CAPN10: variants seen among roughly 807,000 people sequenced by gnomAD.
CAPN10 encodes calpain 10.
In CAPN10, 71 loss-of-function variants were observed where a neutral mutation model predicts 78.4. The observed-to-expected ratio is 0.91, with a 90% CI of 0.75 to 1.10. The LOEUF (loss-of-function observed/expected upper bound fraction) is 1.10, where lower values mean the gene tolerates loss of function less well. Ranked by LOEUF, CAPN10 falls within the 50% of genes least tolerant of loss-of-function variation. The pLI is 0.00. For synonymous variants in CAPN10, 437 were observed against 407.2 expected, an observed-to-expected ratio of 1.07 and a Z score of -0.88; for missense variants, 849 against 924.6, an observed-to-expected ratio of 0.92 and a Z score of 1.06.
chr2:240,592,529 C>A, intron 4 of CAPN10: 1 of 480,380 alleles, frequency 2.1e-6, no homozygotes, highest in Non-Finnish European at 4.3e-6. Flanking sequence ...ATGAAAGGGG[C>A]CAGGTGTGGT....
At chr2:240,592,659 GA>G (rs76573435) in intron 4 of CAPN10, 3 of 363,176 alleles carry the variant, frequency 8.3e-6, no homozygotes, top group Non-Finnish European at 1.7e-5. Flanking sequence ...AAAAATGAAG[GA>G]AAAAAATCAC....
chr2:240,590,873 G>A lies in CAPN10; in HGVS notation c.332G>A (p.Cys111Tyr). 1.9e-6 allele frequency: 3 copies of A among 1,614,248 alleles called. No homozygotes were observed. Among genetic ancestry groups the A allele is most frequent in the Non-Finnish European group, 2.5e-6 (3 of 1,180,052 alleles). ...ADQEYRGSFT[C>Y]RIWQFGRWVE... Reference sequence around the variant, plus strand: ...CAGGAGTACCGGGGCTCCTTCACCTGTCGCATTTGGCAGTTTGGACGCTGG... The same window carrying A: ...CAGGAGTACCGGGGCTCCTTCACCTATCGCATTTGGCAGTTTGGACGCTGG... The change falls in exon 3 of 12, where the codon TGT becomes TAT. Residue 111 changes from cysteine (C) to tyrosine (Y), a missense_variant. By Grantham distance (194) the Cys-to-Tyr change is radical. Transcript: ENST00000391984.
Position 240,595,845 on chromosome 2 carries a change from G to A in CAPN10, c.1279-474G>A, listed in dbSNP as rs565982387. On this transcript the variant is annotated intron_variant, in intron 7 of 11. Coordinates refer to ENST00000391984, the MANE Select transcript of CAPN10 (RefSeq NM_023083.4). ...TTGTTTCCAGGAAGAACAGATGGGG[G>A]CGCCTGAGGGCAAAGGGCCTGAGTG... is the stretch of plus-strand genomic sequence containing the variant. The A allele has an allele frequency of 1.0e-3, 894 of 882,024 alleles. 6 individuals are homozygous for A. In the African/African-American group the frequency reaches 0.013, roughly 13 times the overall value. The allele number at this position is 882,024 out of a possible 1,614,324, so 54.6% of individuals were successfully genotyped here.
rs2125454854 is a variant in CAPN10 at position 240,586,779 on chromosome 2, C to A, written c.-133C>A. 2 of 874,836 alleles carry A rather than the reference C, an allele frequency of 2.3e-6. No homozygotes were observed. Among genetic ancestry groups the A allele is most frequent in the East Asian group, 3.5e-5 (1 of 28,814 alleles). The allele number at this position is 874,836 out of a possible 1,614,324, so 54.2% of individuals were successfully genotyped here. A position where few individuals can be genotyped will look rare whatever the true frequency, so the allele number is the denominator to read the frequency against. On this transcript the variant is annotated 5_prime_UTR_variant, in exon 1 of 12. Transcript: ENST00000391984. ...TGGCCTGGTCCAGCACCTGCGGGGC[C>A]CTCGGGCTTGGAGGGCTGGGCCGGG... is the stretch of plus-strand genomic sequence containing the variant.
intron 5 of CAPN10, 119 bp downstream of exon 5, chr2:240,594,166 T>A: frequency 9.3e-7 from 1 of 1,076,822 alleles, no homozygotes; most frequent in Non-Finnish European, 1.3e-6. Context: ...GCAAGGCCCC[T>A]GAGTCCCTGC....
intron 7 of CAPN10, 82 bp from the exon 8 acceptor site, chr2:240,596,237 T>C (rs2093135694): frequency 1.3e-6 from 2 of 1,501,852 alleles, no homozygotes; most frequent in Admixed American, 4.4e-5. Context: ...CAGAGGCCCT[T>C]GTGCTTGCAG....
At chr2:240,587,189 C>A (rs1381184508) in intron 1 of CAPN10, 137 bp downstream of exon 1, 4 of 423,020 alleles carry the variant, frequency 9.5e-6, no homozygotes, top group Admixed American at 4.4e-5. Flanking sequence ...AAGTGGGCGC[C>A]CGGCCCCCTC....
chr2:240,593,927 TC>T lies in CAPN10; in HGVS notation c.712del (p.His238MetfsTer47), dbSNP rs2093118975. ...PRAGARELGE[F>X]HAFIVSDLRE... Reference sequence around the variant, plus strand: ...GCAGGTGCCCGGGAGCTGGGGGAGTTCCATGCCTTCATTGTCTCGGACCTGC... The same window carrying T: ...GCAGGTGCCCGGGAGCTGGGGGAGTTCATGCCTTCATTGTCTCGGACCTGC... On this transcript the variant is annotated frameshift_variant, in exon 5 of 12. Transcript: ENST00000391984. LOFTEE classifies it high-confidence loss of function. The T allele has an allele frequency of 3.1e-6, 5 of 1,604,944 alleles. No individual in the cohort carries two copies. Among genetic ancestry groups the T allele is most frequent in the Non-Finnish European group, 4.3e-6 (5 of 1,173,762 alleles).
chr2:240,590,556 C>G (rs41266969), intron 2 of CAPN10: 284 of 456,218 alleles, frequency 6.2e-4, no homozygotes, highest in Non-Finnish European at 1.0e-3. Flanking sequence ...CGCCGACATC[C>G]AGGTGTGCCG....
Position 240,589,260 on chromosome 2 carries a change from C to T in CAPN10, c.142-83C>T, listed in dbSNP as rs1377434493. On this transcript the variant is annotated intron_variant, in intron 1 of 11. Coordinates refer to ENST00000391984, the MANE Select transcript of CAPN10 (RefSeq NM_023083.4). ...GATCGGAAAAGCTCCACCCCAACTC[C>T]TGTCATCTAGAGCCTTGGGTTCTTA... The T allele has an allele frequency of 4.9e-5, 77 of 1,576,684 alleles. No homozygotes were observed. The South Asian group carries it at 7.8e-4, about 16-fold the overall frequency.
At chr2:240,589,666 G>C in intron 2 of CAPN10, 192 bp downstream of exon 2, 1 of 720,872 alleles carries the variant, frequency 1.4e-6, no homozygotes, top group Non-Finnish European at 2.2e-6. Flanking sequence ...GCAGGGGGGG[G>C]TGCCTTGGCC....
intron 2 of CAPN10, 183 bp downstream of exon 2, chr2:240,589,657 C>A: frequency 1.3e-6 from 1 of 795,182 alleles, no homozygotes; most frequent in Non-Finnish European, 1.9e-6. Flanking sequence ...CCCTCTGCTG[C>A]AGGGGGGGGT....
chr2:240,596,646 C>T lies in CAPN10; in HGVS notation c.1482-35C>T, dbSNP rs1000192409. 9 of 1,529,594 alleles carry T rather than the reference C, an allele frequency of 5.9e-6. No homozygotes were observed. In the East Asian group the frequency reaches 6.8e-5, roughly 12 times the overall value. The allele number at this position is 1,529,594 out of a possible 1,614,324, so 94.8% of individuals were successfully genotyped here. ...GGGAACTGAGGCCACCGGGAACCTG[C>T]TGCCAGCGCCCTCCCATGTTTGTCT... On this transcript the variant is annotated intron_variant, in intron 8 of 11. Coordinates refer to ENST00000391984, the MANE Select transcript of CAPN10 (RefSeq NM_023083.4).
intron 9 of CAPN10, among the ~76,000 whole-genome samples, chr2:240,597,490 C>T (rs112002999): frequency 2.0e-3 from 306 of 152,304 alleles, no homozygotes; most frequent in African/African-American, 6.9e-3. Flanking sequence ...GGGGCCCTGA[C>T]GAGGAAGGCA....
chr2:240,595,214 C>T lies in CAPN10; in HGVS notation c.1188C>T (p.Ala396=), dbSNP rs377409925. The stretch of plus-strand genomic sequence containing the variant: ...ACGCGGCGGACTGGGCAGGCCGGGC[C>T]CGGGCACTGGTGGGTGACAGTCATA... ...RLHAADWAGR[A]RALVGDSHTS... The change falls in exon 7 of 12, where the codon GCC becomes GCT. Residue 396 remains alanine (A), a synonymous_variant. Transcript: ENST00000391984. 13 of 1,613,532 alleles carry T rather than the reference C, an allele frequency of 8.1e-6. No homozygotes were observed. In the African/African-American group the frequency reaches 1.7e-4, roughly 22 times the overall value.
intron 4 of CAPN10, among the ~76,000 whole-genome samples, chr2:240,593,087 G>T (rs1464407048): frequency 6.6e-6 from 1 of 152,244 alleles, no homozygotes. Context: ...CCGCTGGGGT[G>T]CCAGGAAGGA....
rs1416225306 is a variant in CAPN10, at chr2:240,596,503, C to T, written c.1463C>T (p.Thr488Ile). The T allele has an allele frequency of 6.2e-7, 1 of 1,608,930 alleles. No homozygotes were observed. The highest frequency in any genetic ancestry group is 8.5e-7 in the Non-Finnish European group (1 of 1,176,584). ...PGEFLLRVFS[T>I]GRVSLSAIRA... ...GAGTTCCTGCTCCGAGTCTTCTCTA[C>T]CGGGCGAGTCTCCCTTAGGTGAGAG... The change falls in exon 8 of 12, where the codon ACC (threonine) becomes ATC (isoleucine). Residue 488 changes from threonine (T) to isoleucine (I), a missense_variant. Physicochemically the swap from Thr to Ile is moderately conservative, Grantham distance 89. Coordinates refer to ENST00000391984, the MANE Select transcript of CAPN10 (RefSeq NM_023083.4).
chr2:240,596,981 G>A (rs1331064365), intron 9 of CAPN10, 39 bp downstream of exon 9: 2 of 1,612,280 alleles, frequency 1.2e-6, no homozygotes, highest in African/African-American at 1.3e-5. Flanking sequence ...GGAGCAGAAG[G>A]GGCCCTCAGA....
intron 7 of CAPN10, 124 bp from the exon 8 acceptor site, chr2:240,596,195 T>G: frequency 6.8e-7 from 1 of 1,476,952 alleles, no homozygotes; most frequent in Non-Finnish European, 9.0e-7. Flanking sequence ...TGGAGGGTGC[T>G]GACAGGCCTT....
Sources: allele counts gnomAD v4.1 joint callset (sites outside exome capture counted in the v4.1 genomes callset), GRCh38; gene constraint gnomAD v4.1.1; transcripts MANE v1.5; gene names NCBI Gene and HGNC (gene_info 2026-07-23, HGNC 2026-07-21).